The following UBAC2 variants were observed in gnomAD, a reference collection of about 807,000 sequenced individuals.
UBAC2 encodes the protein UBA domain containing 2, also known as ubiquitin-associated domain-containing protein 2.
In UBAC2, 26 loss-of-function variants were observed where a neutral mutation model predicts 44.0. The observed-to-expected ratio is 0.59, with a 90% confidence interval of 0.43 to 0.82. The LOEUF is 0.82. Among genes scored for constraint, UBAC2 ranks in the 40% least tolerant of loss-of-function variants. The pLI, the probability that UBAC2 is intolerant of heterozygous loss-of-function variation, is 0.00. For synonymous variants in UBAC2, 155 were observed against 154.3 expected (o/e 1.00, Z -0.04); for missense variants, 329 against 419.4 (o/e 0.78, Z 1.88).
chr13:99,297,194 A>G (rs1418375269), intron 4 of UBAC2, among the ~76,000 whole-genome samples: 1 of 152,200 alleles, frequency 6.6e-6, no homozygotes, highest in Non-Finnish European at 1.5e-5. Context: ...GAAAACTCCT[A>G]CAATAAAGTT....
intron 1 of UBAC2, among the ~76,000 whole-genome samples, chr13:99,225,874 T>C (rs1213943087): frequency 6.6e-6 from 1 of 152,240 alleles, no homozygotes; most frequent in Non-Finnish European, 1.5e-5. Context: ...CTTAGAATTA[T>C]ATTTGGCAGC....
chr13:99,292,056 A>C, intron 4 of UBAC2, among the ~76,000 whole-genome samples: 1 of 152,270 alleles, frequency 6.6e-6, no homozygotes, highest in African/African-American at 2.4e-5. Flanking sequence ...CGAGGCTTCT[A>C]ACACCTTTTC....
At position 99,385,568 on chromosome 13, in the gene UBAC2, C is replaced by T. The variant is rs1488613538; in HGVS notation, c.*233C>T. 2 of 499,290 alleles carry T rather than the reference C, an allele frequency of 4.0e-6. No individual in the cohort carries two copies. Among genetic ancestry groups the T allele is most frequent in the South Asian group, 2.9e-5 (1 of 34,060 alleles). The allele number at this position is 499,290 out of a possible 1,614,324, so 30.9% of individuals were successfully genotyped here. On this transcript the variant is annotated 3_prime_UTR_variant, in exon 9 of 9. Transcript: ENST00000403766. ...TCTATATTTTTTATTGGGCATTTTC[C>T]CTAGGTTGGAGAGTCAGCACTCGTT...
intron 4 of UBAC2, among the ~76,000 whole-genome samples, chr13:99,249,048 A>T (rs2043424905): frequency 1.3e-5 from 2 of 152,110 alleles, no homozygotes; most frequent in Admixed American, 1.3e-4. Flanking sequence ...TTTCAGATTC[A>T]GGGGGTACAT....
At chr13:99,285,566 A>G (rs1370740686) in intron 4 of UBAC2, among the ~76,000 whole-genome samples, 1 of 151,608 alleles carries the variant, frequency 6.6e-6, no homozygotes, top group Admixed American at 6.6e-5. Context: ...CTAATTCTTA[A>G]TTTTTTATAG....
intron 7 of UBAC2, among the ~76,000 whole-genome samples, chr13:99,366,940 G>T (rs1398491456): frequency 1.3e-5 from 2 of 152,230 alleles, no homozygotes; most frequent in Non-Finnish European, 2.9e-5. Context: ...TTTGTAGTAG[G>T]AAGAGTTTCA....
chr13:99,246,483 A>G (rs1481451629), intron 4 of UBAC2, among the ~76,000 whole-genome samples: 1 of 149,238 alleles, frequency 6.7e-6, no homozygotes, highest in Non-Finnish European at 1.5e-5. Flanking sequence ...TGGTTCCTGT[A>G]TAGCCTACTG....
chr13:99,368,525 C>CA (rs1242884388), intron 8 of UBAC2, among the ~76,000 whole-genome samples: 4 of 152,104 alleles, frequency 2.6e-5, no homozygotes, highest in Non-Finnish European at 5.9e-5. Context: ...ATGAGTATAG[C>CA]AATTCTAAAA....
intron 1 of UBAC2, among the ~76,000 whole-genome samples, chr13:99,206,539 T>G (rs778885739): frequency 3.3e-5 from 5 of 152,262 alleles, no homozygotes; most frequent in Admixed American, 3.3e-4. Flanking sequence ...ATCAGCCCAT[T>G]TGTGGCATCT....
intron 7 of UBAC2, among the ~76,000 whole-genome samples, chr13:99,357,006 G>A (rs1198209041): frequency 6.6e-6 from 1 of 152,268 alleles, no homozygotes; most frequent in East Asian, 1.9e-4. Flanking sequence ...TTTTCTCTCT[G>A]TATTGTGCTC....
At chr13:99,214,691 A>G (rs572195501) in intron 1 of UBAC2, among the ~76,000 whole-genome samples, 120 of 152,230 alleles carry the variant, frequency 7.9e-4, no homozygotes, top group African/African-American at 2.7e-3. Flanking sequence ...ACTTTTTTGC[A>G]GACCTCCAAC....
chr13:99,367,996 C>A (rs144712434), intron 8 of UBAC2, 90 bp downstream of exon 8: 1 of 1,473,462 alleles, frequency 6.8e-7, no homozygotes, highest in Non-Finnish European at 9.2e-7. Flanking sequence ...AGTAATCAAG[C>A]GTGTAAATAC....
intron 7 of UBAC2, among the ~76,000 whole-genome samples, chr13:99,348,548 A>G (rs182957649): frequency 2.0e-5 from 3 of 152,250 alleles, no homozygotes; most frequent in African/African-American, 4.8e-5. Context: ...AATGAAAGAC[A>G]TGGTTGGGAA....
chr13:99,302,878 G>A (rs189528508), intron 4 of UBAC2, among the ~76,000 whole-genome samples: 4 of 152,228 alleles, frequency 2.6e-5, no homozygotes, highest in Admixed American at 6.5e-5. Context: ...ACTGTAAGGT[G>A]ACTTTTTCCC....
intron 4 of UBAC2, among the ~76,000 whole-genome samples, chr13:99,300,504 C>T (rs944892769): frequency 6.6e-6 from 1 of 152,186 alleles, no homozygotes; most frequent in African/African-American, 2.4e-5. Flanking sequence ...CTGTTACTAT[C>T]CCATTCTTAT....
chr13:99,353,969 A>G (rs1309235539), intron 7 of UBAC2, among the ~76,000 whole-genome samples: 3 of 152,264 alleles, frequency 2.0e-5, no homozygotes, highest in African/African-American at 4.8e-5. Flanking sequence ...TCTCCCACCC[A>G]AGATTAGAGC....
chr13:99,372,620 C>CT (rs1410860107), intron 8 of UBAC2: 1 of 152,290 alleles, frequency 6.6e-6, no homozygotes, highest in African/African-American at 2.4e-5. Flanking sequence ...GTCACCGGCT[C>CT]TGAGTCTAAA....
intron 7 of UBAC2, chr13:99,351,515 T>G: frequency 2.2e-6 from 1 of 456,698 alleles, no homozygotes; most frequent in Non-Finnish European, 4.4e-6. Flanking sequence ...CTGTAGAAGG[T>G]TATATAGCCA....
At chr13:99,274,368 G>A (rs559603314) in intron 4 of UBAC2, among the ~76,000 whole-genome samples, 10 of 151,562 alleles carry the variant, frequency 6.6e-5, no homozygotes, top group African/African-American at 2.4e-4. Flanking sequence ...GTCTTGCTCT[G>A]TTGCCCAGGC....
Sources: allele counts gnomAD v4.1 joint callset (sites outside exome capture counted in the v4.1 genomes callset), GRCh38; gene constraint gnomAD v4.1.1; transcripts MANE v1.5; gene names NCBI Gene and HGNC (gene_info 2026-07-23, HGNC 2026-07-21).